KIAA1958: variants seen among roughly 807,000 people sequenced by gnomAD.
The protein encoded by KIAA1958 is uncharacterized protein KIAA1958.
Under a neutral mutation model 47.2 loss-of-function variants are expected in KIAA1958, and 14 were observed. The observed-to-expected ratio is 0.30, with a 90% CI of 0.20 to 0.46. The LOEUF (loss-of-function observed/expected upper bound fraction) is 0.46. KIAA1958 is among the 20% of genes least tolerant of loss of function. The pLI is 1.00. For missense variants in KIAA1958, 803 were observed against 909.2 expected, an observed-to-expected ratio of 0.88 and a Z score of 1.50; for synonymous variants, 354 against 353.3, an observed-to-expected ratio of 1.00 and a Z score of -0.02.
In KIAA1958 at chr9:112,486,886, C is replaced by G. The variant is rs1429138687; in HGVS notation, c.-257C>G. ...GCGGAGCTCGGGGCGCACGGAGCGG[C>G]GCGCGGCGGTCGGCCGAGCCAGGCT... On this transcript the variant is annotated 5_prime_UTR_variant, in exon 1 of 4. Transcript: ENST00000337530. The G allele has an allele frequency of 7.0e-6, 1 of 142,322 alleles. No homozygotes were observed. Among genetic ancestry groups the G allele is most frequent in the Non-Finnish European group, 1.6e-5 (1 of 64,318 alleles). 8.8% of individuals were successfully genotyped at this position (142,322 alleles called of 1,614,324 possible). A position where few individuals can be genotyped will look rare whatever the true frequency, so the allele number is the denominator to read the frequency against.
At chr9:112,575,729 A>G (rs1010440172) in intron 2 of KIAA1958, among the ~76,000 whole-genome samples, 1 of 152,134 alleles carries the variant, frequency 6.6e-6, no homozygotes, top group Admixed American at 6.5e-5. Flanking sequence ...CTGGTAGTTA[A>G]TAAGTATTTT....
chr9:112,533,747 T>C (rs1834807694), intron 1 of KIAA1958, among the ~76,000 whole-genome samples: 1 of 151,976 alleles, frequency 6.6e-6, no homozygotes, highest in Non-Finnish European at 1.5e-5. Flanking sequence ...ATTTGTAAAA[T>C]CATCAGATCT....
chr9:112,640,976 A>G (rs770405894), intron 2 of KIAA1958, among the ~76,000 whole-genome samples: 1 of 152,064 alleles, frequency 6.6e-6, no homozygotes, highest in African/African-American at 2.4e-5. Context: ...TGCTTCATCT[A>G]TTTCACAATC....
rs1240224656 is a variant in KIAA1958, at chr9:112,574,431, A to G, written c.351A>G (p.Arg117=). 3 of 1,614,146 alleles carry G rather than the reference A, an allele frequency of 1.9e-6. No homozygotes were observed. The South Asian group carries it at 3.3e-5, about 18-fold the overall frequency. The part of the protein sequence containing the change: ...VKAKLDCNRT[R]DSCDFSYCSE... Reference sequence around the variant, plus strand: ...CAAAGCTAGACTGTAACCGGACCAGAGACTCTTGTGACTTCTCCTACTGTA... The same window carrying G: ...CAAAGCTAGACTGTAACCGGACCAGGGACTCTTGTGACTTCTCCTACTGTA... Residue 117 remains arginine (R), a synonymous_variant, in exon 2 of 4, where the codon AGA becomes AGG. Coordinates refer to ENST00000337530, the MANE Select transcript of KIAA1958 (RefSeq NM_133465.4).
At chr9:112,634,908 C>T (rs1273614994) in intron 2 of KIAA1958, among the ~76,000 whole-genome samples, 1 of 152,028 alleles carries the variant, frequency 6.6e-6, no homozygotes, top group Non-Finnish European at 1.5e-5. Flanking sequence ...TGTTTCCTTC[C>T]TTCCTTTATT....
chr9:112,504,378 G>A (rs1348737373), intron 1 of KIAA1958, among the ~76,000 whole-genome samples: 2 of 152,102 alleles, frequency 1.3e-5, no homozygotes, highest in Non-Finnish European at 1.5e-5. Context: ...GAGTAGAGAC[G>A]GGATTTCGCC....
chr9:112,547,116 C>T (rs1369029610), intron 1 of KIAA1958, among the ~76,000 whole-genome samples: 1 of 151,984 alleles, frequency 6.6e-6, no homozygotes, highest in Admixed American at 6.6e-5. Flanking sequence ...GTAGCTCACT[C>T]CTGTAATCCC....
chr9:112,492,274 C>T (rs1338106129), intron 1 of KIAA1958, among the ~76,000 whole-genome samples: 1 of 152,190 alleles, frequency 6.6e-6, no homozygotes, highest in Non-Finnish European at 1.5e-5. Context: ...TGATGGATGG[C>T]TGTCTTCCTA....
In KIAA1958 at chr9:112,579,106, C is replaced by T. The variant is rs561510234; in HGVS notation, c.1171+3855C>T. The stretch of plus-strand genomic sequence containing the variant: ...TATATTAGAAATAGTAACTCATAAT[C>T]TCTCATGTATATTGGAAATACATTT... On this transcript the variant is annotated intron_variant, in intron 2 of 3. Transcript: ENST00000337530. 7.2e-5 allele frequency among the ~76,000 whole-genome samples: 11 copies of T among 152,058 alleles called. No homozygotes were observed. The South Asian group carries it at 1.9e-3, about 26-fold the overall frequency.
At chr9:112,489,475 T>TTG (rs1286856104) in intron 1 of KIAA1958, among the ~76,000 whole-genome samples, 2 of 47,048 alleles carry the variant, frequency 4.3e-5, no homozygotes, top group South Asian at 1.1e-3. Flanking sequence ...TGTTTTTGTG[T>TTG]TTTTTTTTTT....
Position 112,530,387 on chromosome 9 carries a change from T to C in KIAA1958, c.-25+43269T>C, listed in dbSNP as rs1005189656. On this transcript the variant is annotated intron_variant, in intron 1 of 3. Transcript: ENST00000337530. ...ATCAGTTCGTTTTCTGAACATTTTC[T>C]TATTTTCTGGTACTATTAGGTGCTC... 3.9e-5 allele frequency among the ~76,000 whole-genome samples: 6 copies of C among 152,366 alleles called. No homozygotes were observed. The East Asian group carries it at 9.6e-4, about 24-fold the overall frequency.
Position 112,664,330 on chromosome 9 carries a change from T to TTA in KIAA1958, c.*4261_*4262insTA, listed in dbSNP as rs1837323241. 6.6e-6 allele frequency: 1 copy of TTA among 152,230 alleles called. No individual in the cohort carries two copies. The highest frequency in any genetic ancestry group is 2.4e-5 in the African/African-American group (1 of 41,472). The allele number at this position is 152,230 out of a possible 1,614,324, so 9.4% of individuals were successfully genotyped here. A position where few individuals can be genotyped will look rare whatever the true frequency, so the allele number is the denominator to read the frequency against. ...TAACACAGTCCACACCATTACCACT[T>TTA]AAATAAAGTAACCGAATGCTAAATA... On this transcript the variant is annotated 3_prime_UTR_variant, in exon 4 of 4. Transcript: ENST00000337530.
intron 1 of KIAA1958, among the ~76,000 whole-genome samples, chr9:112,531,056 A>G (rs1235837314): frequency 6.6e-6 from 1 of 152,248 alleles, no homozygotes; most frequent in Non-Finnish European, 1.5e-5. Context: ...TTAAGATAAC[A>G]AGATGGAAAT....
intron 2 of KIAA1958, among the ~76,000 whole-genome samples, chr9:112,619,427 A>C (rs1291213102): frequency 1.3e-5 from 2 of 152,206 alleles, no homozygotes; most frequent in Non-Finnish European, 2.9e-5. Flanking sequence ...CCACAATATG[A>C]AAATGTATAA....
At chr9:112,658,508 A>G (rs1220320229) in intron 3 of KIAA1958, among the ~76,000 whole-genome samples, 2 of 152,126 alleles carry the variant, frequency 1.3e-5, no homozygotes, top group Admixed American at 1.3e-4. Flanking sequence ...AACCAATAAT[A>G]ATAAGTGTGT....
intron 3 of KIAA1958, among the ~76,000 whole-genome samples, chr9:112,656,372 C>CAAAAAAAAAAAAAAAAAAAAAAAAAA (rs35967386): frequency 3.5e-5 from 2 of 57,826 alleles, no homozygotes; most frequent in Non-Finnish European, 6.0e-5. Flanking sequence ...GACTCTGTCT[C>CAAAAAAAAAAAAAAAAAAAAAAAAAA]AAAAAAAAAA....
At chr9:112,492,059 G>A (rs964125073) in intron 1 of KIAA1958, among the ~76,000 whole-genome samples, 1 of 152,108 alleles carries the variant, frequency 6.6e-6, no homozygotes, top group Admixed American at 6.5e-5. Flanking sequence ...TTTCTGGGAC[G>A]GAGTTGACAA....
At chr9:112,650,858 G>T (rs1837045496) in intron 3 of KIAA1958, among the ~76,000 whole-genome samples, 1 of 152,294 alleles carries the variant, frequency 6.6e-6, no homozygotes, top group Non-Finnish European at 1.5e-5. Flanking sequence ...GATATACTAT[G>T]CAAGCATTAA....
intron 1 of KIAA1958, among the ~76,000 whole-genome samples, chr9:112,500,497 C>T (rs1471575436): frequency 6.6e-6 from 1 of 151,242 alleles, no homozygotes; most frequent in Non-Finnish European, 1.5e-5. Context: ...ACTATGTTGC[C>T]CAGGCTGGTC....
Sources: allele counts gnomAD v4.1 joint callset (sites outside exome capture counted in the v4.1 genomes callset), GRCh38; gene constraint gnomAD v4.1.1; transcripts MANE v1.5; gene names NCBI Gene and HGNC (gene_info 2026-07-23, HGNC 2026-07-21).